The following DNAH14 variants were observed in gnomAD, a reference collection of about 807,000 sequenced individuals.
The protein encoded by DNAH14 is dynein axonemal heavy chain 14.
Under a neutral mutation model 520.9 loss-of-function variants are expected in DNAH14, and 478 were observed. The observed-to-expected ratio is 0.92, with a 90% CI of 0.85 to 0.99. DNAH14 has a LOEUF of 0.99. Among genes scored for constraint, DNAH14 ranks in the 50% least tolerant of loss-of-function variants. The probability of loss-of-function intolerance (pLI) is 0.00; values close to 1 mark genes in which losing one functional copy is unlikely to be tolerated. For missense variants in DNAH14, 4,831 were observed against 5,234.5 expected, an observed-to-expected ratio of 0.92 and a Z score of 2.38; for synonymous variants, 1,581 against 1,757.2, an observed-to-expected ratio of 0.90 and a Z score of 2.51.
chr1:225,094,656 C>CAAAAAAAAAA (rs760828776), intron 21 of DNAH14, among the ~76,000 whole-genome samples: 10 of 77,842 alleles, frequency 1.3e-4, no homozygotes, highest in Non-Finnish European at 2.7e-4. Flanking sequence ...TTCTGCACAG[C>CAAAAAAAAAA]AAAAAAAAAA....
intron 42 of DNAH14, among the ~76,000 whole-genome samples, chr1:225,239,994 G>T (rs564323090): frequency 1.3e-5 from 2 of 152,236 alleles, no homozygotes; most frequent in African/African-American, 4.8e-5. Flanking sequence ...CCAACCATGG[G>T]TGATCTGGGT....
chr1:225,074,208 C>T (rs2071945315), intron 17 of DNAH14, among the ~76,000 whole-genome samples: 1 of 151,664 alleles, frequency 6.6e-6, no homozygotes, highest in African/African-American at 2.4e-5. Flanking sequence ...ACCGTTTTAG[C>T]CGGGATGGTC....
chr1:224,944,705 C>T (rs2059674799), intron 1 of DNAH14, among the ~76,000 whole-genome samples: 1 of 152,172 alleles, frequency 6.6e-6, no homozygotes, highest in Non-Finnish European at 1.5e-5. Flanking sequence ...CAAAATCTCT[C>T]AGCAGTTGCT....
At chr1:225,013,772 C>A (rs928365114) in intron 10 of DNAH14, among the ~76,000 whole-genome samples, 1 of 152,154 alleles carries the variant, frequency 6.6e-6, no homozygotes, top group Non-Finnish European at 1.5e-5. Flanking sequence ...AAATTGCCTA[C>A]TCAAGCCTCA....
At chr1:225,267,093 T>G (rs2093142593) in intron 49 of DNAH14, among the ~76,000 whole-genome samples, 1 of 152,098 alleles carries the variant, frequency 6.6e-6, no homozygotes, top group South Asian at 2.1e-4. Flanking sequence ...ATGCATCAAA[T>G]TTTAGTTAGT....
Position 225,380,266 on chromosome 1 carries a change from C to T in DNAH14, c.12824C>T (p.Thr4275Ile). 1 of 1,551,656 alleles carries T rather than the reference C, an allele frequency of 6.4e-7. No homozygotes were observed. Among genetic ancestry groups the T allele is most frequent in the Non-Finnish European group, 8.7e-7 (1 of 1,146,990 alleles). The change falls in exon 80 of 86, where the codon ACA becomes ATA. Residue 4275 changes from threonine (T) to isoleucine (I), a missense_variant. Transcript: ENST00000682510. ...GAAATTGCTGTTGGAACTCCAAGCA[C>T]ATTGAAGAGCATGATGTCAAGCTCC... Reference protein sequence around the residue: ...KEEIAVGTPSTLKSMMSSSIW... With the variant: ...KEEIAVGTPSILKSMMSSSIW...
At position 225,395,554 on chromosome 1, in the gene DNAH14, T is replaced by G. The variant is rs1046644180; in HGVS notation, c.13492-2966T>G. Among the ~76,000 whole-genome samples the G allele has an allele frequency of 5.5e-5, 8 of 144,998 alleles. No individual in the cohort carries two copies. In the Admixed American group the frequency reaches 5.7e-4, roughly 10 times the overall value. ...TTGCAGTGAGCAGAGATCGCGCCACTGCGCTCCAGCCTGCGCGACAGAGTG... is the reference window on the plus strand; with the variant it reads ...TTGCAGTGAGCAGAGATCGCGCCACGGCGCTCCAGCCTGCGCGACAGAGTG... On this transcript the variant is annotated intron_variant, in intron 84 of 85. Transcript: ENST00000682510.
chr1:225,073,396 G>A (rs1435936063), intron 17 of DNAH14, among the ~76,000 whole-genome samples: 2 of 151,986 alleles, frequency 1.3e-5, no homozygotes, highest in Non-Finnish European at 2.9e-5. Flanking sequence ...GAACACTGAT[G>A]GGGGTGGCTG....
chr1:225,112,745 T>C (rs1484505584), intron 23 of DNAH14, among the ~76,000 whole-genome samples: 1 of 152,094 alleles, frequency 6.6e-6, no homozygotes, highest in East Asian at 1.9e-4. Flanking sequence ...CTCTTCTGCT[T>C]GATCAATTCT....
chr1:224,964,964 G>A (rs1052848118), intron 5 of DNAH14, among the ~76,000 whole-genome samples: 2 of 152,090 alleles, frequency 1.3e-5, no homozygotes, highest in African/African-American at 4.8e-5. Flanking sequence ...AGAAGAAATT[G>A]TTAGGTAATG....
At chr1:225,117,828 G>T in intron 24 of DNAH14, 40 bp downstream of exon 24, 3 of 1,517,008 alleles carry the variant, frequency 2.0e-6, no homozygotes, top group South Asian at 2.4e-5. Context: ...TTATATTAGC[G>T]ATATTCAGAT....
At chr1:225,202,593 G>C (rs529556810) in intron 38 of DNAH14, among the ~76,000 whole-genome samples, 4 of 152,270 alleles carry the variant, frequency 2.6e-5, no homozygotes, top group African/African-American at 9.6e-5. Context: ...GCAGGGCTGA[G>C]AACTTGCCCC....
At chr1:224,989,385 A>G (rs752546079) in intron 8 of DNAH14, among the ~76,000 whole-genome samples, 3 of 152,230 alleles carry the variant, frequency 2.0e-5, no homozygotes, top group Non-Finnish European at 2.9e-5. Flanking sequence ...TTGCTAGTAT[A>G]TAGAAACACA....
chr1:225,018,120 C>T (rs916779613), intron 10 of DNAH14, among the ~76,000 whole-genome samples: 4 of 152,144 alleles, frequency 2.6e-5, no homozygotes, highest in Non-Finnish European at 4.4e-5. Flanking sequence ...CAAGGAAGCT[C>T]ATCGAGGTAC....
At chr1:225,173,950 T>A (rs1389653427) in intron 36 of DNAH14, among the ~76,000 whole-genome samples, 3 of 152,232 alleles carry the variant, frequency 2.0e-5, no homozygotes, top group Non-Finnish European at 2.9e-5. Context: ...GATGAGTTCA[T>A]GTCCTTTGTA....
In DNAH14 at chr1:225,168,035, A is replaced by G. The variant is rs2082202153; in HGVS notation, c.5535+7A>G. 4.9e-6 allele frequency: 7 copies of G among 1,420,500 alleles called. No individual in the cohort carries two copies. The South Asian group carries it at 6.6e-5, about 13-fold the overall frequency. The allele number at this position is 1,420,500 out of a possible 1,614,324, so 88.0% of individuals were successfully genotyped here. On this transcript the variant is annotated splice_region_variant and intron_variant, in intron 36 of 85. Transcript: ENST00000682510. ...GTTTTATAATCAACTTCAGGTAAGTATAAAATGGCATGTTAGCAATCCTTT... is the reference window on the plus strand; with the variant it reads ...GTTTTATAATCAACTTCAGGTAAGTGTAAAATGGCATGTTAGCAATCCTTT...
intron 73 of DNAH14, among the ~76,000 whole-genome samples, chr1:225,355,085 G>A (rs2095414837): frequency 6.6e-6 from 1 of 151,852 alleles, no homozygotes; most frequent in Non-Finnish European, 1.5e-5. Context: ...TAACAAAATA[G>A]ATTGCTAAAA....
chr1:224,946,876 A>G (rs1263960522), intron 1 of DNAH14, among the ~76,000 whole-genome samples: 6 of 123,170 alleles, frequency 4.9e-5, no homozygotes, highest in Admixed American at 3.2e-4. Context: ...TTTCCAACTG[A>G]TTTGATATGT....
At chr1:225,367,630 A>G (rs1449440815) in intron 76 of DNAH14, among the ~76,000 whole-genome samples, 175 bp from the exon 77 acceptor site, 1 of 152,240 alleles carries the variant, frequency 6.6e-6, no homozygotes, top group African/African-American at 2.4e-5. Flanking sequence ...CAATCCTTTT[A>G]GAGACGTTTT....
Sources: allele counts gnomAD v4.1 joint callset (sites outside exome capture counted in the v4.1 genomes callset), GRCh38; gene constraint gnomAD v4.1.1; transcripts MANE v1.5; gene names NCBI Gene and HGNC (gene_info 2026-07-23, HGNC 2026-07-21).